RIMS2: variants seen among roughly 807,000 people sequenced by gnomAD.
The protein encoded by RIMS2 is regulating synaptic membrane exocytosis protein 2.
Under a neutral mutation model 174.4 loss-of-function variants are expected in RIMS2, and 59 were observed. The observed-to-expected ratio is 0.34, with a 90% CI of 0.27 to 0.42. The LOEUF (loss-of-function observed/expected upper bound fraction) is 0.42. Among genes scored for constraint, RIMS2 ranks in the 10% least tolerant of loss-of-function variants. The pLI is 1.00. For missense variants in RIMS2, 1,620 were observed against 1,666.3 expected (o/e 0.97, Z 0.48); for synonymous variants, 606 against 572.5 (o/e 1.06, Z -0.84).
chr8:104,157,079 T>C (rs188813171), intron 19 of RIMS2, among the ~76,000 whole-genome samples: 130 of 152,342 alleles, frequency 8.5e-4, no homozygotes, highest in African/African-American at 3.0e-3. Context: ...TTTAAAATTA[T>C]AACAGTGTTT....
intron 19 of RIMS2, among the ~76,000 whole-genome samples, chr8:104,197,762 G>A (rs978776015): frequency 6.6e-6 from 1 of 152,038 alleles, no homozygotes; most frequent in African/African-American, 2.4e-5. Flanking sequence ...TGGAGGTTAA[G>A]GGGGGTATAG....
chr8:104,180,530 T>C (rs1261574780), intron 19 of RIMS2, among the ~76,000 whole-genome samples: 4 of 151,702 alleles, frequency 2.6e-5, no homozygotes, highest in African/African-American at 9.7e-5. Flanking sequence ...CTAGCTGCTT[T>C]CTAAAAACAG....
At chr8:104,145,552 G>A (rs1030632913) in intron 19 of RIMS2, among the ~76,000 whole-genome samples, 8 of 151,774 alleles carry the variant, frequency 5.3e-5, no homozygotes, top group South Asian at 2.1e-4. Flanking sequence ...GTGGCTGAGC[G>A]TGGTGGCTCA....
At chr8:103,718,157 G>A (rs561831093) in intron 2 of RIMS2, among the ~76,000 whole-genome samples, 1 of 152,220 alleles carries the variant, frequency 6.6e-6, no homozygotes, top group East Asian at 1.9e-4. Context: ...TGCCAAGGAG[G>A]ATAATAGGCA....
chr8:103,632,943 C>T, intron 1 of RIMS2, among the ~76,000 whole-genome samples: 1 of 149,656 alleles, frequency 6.7e-6, no homozygotes, highest in Non-Finnish European at 1.5e-5. Context: ...CTATGTTAAC[C>T]AGGATGATCT....
chr8:103,574,680 C>T (rs1304265026), intron 1 of RIMS2, among the ~76,000 whole-genome samples: 3 of 152,250 alleles, frequency 2.0e-5, no homozygotes, highest in South Asian at 2.1e-4. Flanking sequence ...TTCAGTGTTA[C>T]GAGTGGTACT....
chr8:104,035,368 C>A (rs1319866532), intron 19 of RIMS2, among the ~76,000 whole-genome samples: 1 of 151,574 alleles, frequency 6.6e-6, no homozygotes. Context: ...TTACAACTTA[C>A]TATAATATTT....
chr8:103,766,400 C>A (rs761437429), exon 3 of RIMS2: 3 of 1,613,732 alleles, frequency 1.9e-6, no homozygotes, highest in South Asian at 2.2e-5. Context: ...ATGAGCAGAC[C>A]CAGTTCCAAG....
intron 19 of RIMS2, among the ~76,000 whole-genome samples, chr8:104,229,650 C>T (rs2139138341): frequency 6.6e-6 from 1 of 152,198 alleles, no homozygotes; most frequent in Middle Eastern, 3.4e-3. Context: ...GCAGCTAGCT[C>T]TCTCCCTTGC....
chr8:103,898,129 GT>G (rs1448992010), intron 4 of RIMS2, among the ~76,000 whole-genome samples: 1 of 151,638 alleles, frequency 6.6e-6, no homozygotes, highest in Non-Finnish European at 1.5e-5. Flanking sequence ...TTTCTCTGGT[GT>G]TACAGGCCTC....
At chr8:103,803,972 G>C (rs527424812) in intron 3 of RIMS2, among the ~76,000 whole-genome samples, 1 of 152,154 alleles carries the variant, frequency 6.6e-6, no homozygotes, top group Admixed American at 6.6e-5. Flanking sequence ...CAGGCCCTGA[G>C]TCAGAGGATC....
At chr8:103,912,008 T>G in intron 5 of RIMS2, 45 bp from the exon 9 acceptor site, 2 of 1,440,206 alleles carry the variant, frequency 1.4e-6, no homozygotes, top group South Asian at 2.6e-5. Context: ...AAATCATTTA[T>G]TTATTTTGTA....
At chr8:104,062,520 A>AT (rs2097019878) in intron 19 of RIMS2, among the ~76,000 whole-genome samples, 1 of 152,222 alleles carries the variant, frequency 6.6e-6, no homozygotes, top group Non-Finnish European at 1.5e-5. Flanking sequence ...CTCATGAGAC[A>AT]TATTAGCAAT....
chr8:104,076,425 T>A (rs1460100115), intron 19 of RIMS2, among the ~76,000 whole-genome samples: 1 of 152,174 alleles, frequency 6.6e-6, no homozygotes, highest in Non-Finnish European at 1.5e-5. Context: ...GTTTGTATAA[T>A]TTCTTCCTTT....
intron 3 of RIMS2, among the ~76,000 whole-genome samples, chr8:103,766,988 T>C (rs1318769678): frequency 6.6e-6 from 1 of 152,186 alleles, no homozygotes. Context: ...CAAGCAAGTA[T>C]ATGCAGATCC....
At chr8:103,599,511 T>C (rs899730004) in intron 1 of RIMS2, among the ~76,000 whole-genome samples, 6 of 151,524 alleles carry the variant, frequency 4.0e-5, no homozygotes, top group Non-Finnish European at 5.9e-5. Context: ...TGATCTCTGC[T>C]CAATGCAACC....
intron 14 of RIMS2, among the ~76,000 whole-genome samples, chr8:103,948,108 A>G (rs1283219219): frequency 6.6e-6 from 1 of 152,224 alleles, no homozygotes; most frequent in Non-Finnish European, 1.5e-5. Flanking sequence ...ATCGTTAGTT[A>G]TTAGTGAAAT....
At position 104,146,981 on chromosome 8, in the gene RIMS2, C is replaced by T. The variant is rs182836547; in HGVS notation, c.3335-97935C>T. Among the ~76,000 whole-genome samples, 512 of 152,202 alleles carry T rather than the reference C, an allele frequency of 3.4e-3. 4 individuals are homozygous for T. Among genetic ancestry groups the T allele is most frequent in the African/African-American group, 0.011 (472 of 41,528 alleles). On this transcript the variant is annotated intron_variant, in intron 19 of 23. Coordinates refer to ENST00000504942, the Ensembl canonical transcript of RIMS2. ...AAGTGCTAGTATTACAGACGTGAGC[C>T]ACTGTGCACACCCAAAAATTGCTAT... is the stretch of plus-strand genomic sequence containing the variant.
intron 1 of RIMS2, among the ~76,000 whole-genome samples, chr8:103,575,047 A>G (rs933380954): frequency 8.5e-5 from 13 of 152,244 alleles, no homozygotes; most frequent in Admixed American, 8.5e-4. Context: ...GTCCTAATTT[A>G]TCTGACAGTG....
Sources: allele counts gnomAD v4.1 joint callset (sites outside exome capture counted in the v4.1 genomes callset), GRCh38; gene constraint gnomAD v4.1.1; transcripts MANE v1.5; gene names NCBI Gene and HGNC (gene_info 2026-07-23, HGNC 2026-07-21).